Variants in COMMD1 observed in about 807,000 individuals in gnomAD.
The protein encoded by COMMD1 is copper metabolism domain containing 1.
COMMD1 carries 10 observed loss-of-function variants against 17.2 expected under a neutral mutation model. The observed-to-expected ratio is 0.58, with a 90% CI of 0.36 to 0.99. COMMD1 has a LOEUF of 0.99. Ranked by LOEUF, COMMD1 falls within the 50% of genes least tolerant of loss-of-function variation. The probability of loss-of-function intolerance (pLI) is 0.01; values close to 1 mark genes in which losing one functional copy is unlikely to be tolerated. For synonymous variants in COMMD1, 97 were observed against 91.6 expected (o/e 1.06, Z -0.34); for missense variants, 270 against 231.8 (o/e 1.17, Z -1.07).
intron 1 of COMMD1, among the ~76,000 whole-genome samples, chr2:61,998,916 T>C (rs566252546): frequency 1.0e-3 from 158 of 152,294 alleles, no homozygotes; most frequent in African/African-American, 3.5e-3. Context: ...TTATCTGTCT[T>C]CTATGGGCAT....
intron 1 of COMMD1, among the ~76,000 whole-genome samples, chr2:61,890,881 TA>T (rs1195497343): frequency 6.8e-6 from 1 of 146,282 alleles, no homozygotes; most frequent in East Asian, 2.0e-4. Flanking sequence ...TGAAGATCCA[TA>T]AACCTCTGAG....
At chr2:62,005,896 G>C (rs562339584) in intron 2 of COMMD1, among the ~76,000 whole-genome samples, 2 of 151,246 alleles carry the variant, frequency 1.3e-5, no homozygotes, top group Admixed American at 6.6e-5. Flanking sequence ...ACATGCACAC[G>C]TATGTTTACT....
intron 2 of COMMD1, among the ~76,000 whole-genome samples, chr2:62,001,650 A>G (rs1286932607): frequency 6.6e-6 from 1 of 152,220 alleles, no homozygotes; most frequent in African/African-American, 2.4e-5. Flanking sequence ...GAAACTGGTA[A>G]TTAGGAAGAG....
At position 61,936,464 on chromosome 2, in the gene COMMD1, A is replaced by G. The variant is rs182951709; in HGVS notation, c.180+30606A>G. On this transcript the variant is annotated intron_variant, in intron 1 of 2. Transcript: ENST00000311832. Reference sequence around the variant, plus strand: ...TTTTATTAGAGTTCATTATCAAAATAATGGAGTTGACAAGGAAATTTGGTC... The same window carrying G: ...TTTTATTAGAGTTCATTATCAAAATGATGGAGTTGACAAGGAAATTTGGTC... Among the ~76,000 whole-genome samples, 19 of 152,368 alleles carry G rather than the reference A, an allele frequency of 1.2e-4. No individual in the cohort carries two copies. In the East Asian group the frequency reaches 3.7e-3, roughly 29 times the overall value.
chr2:62,057,004 C>T (rs1178213268), intron 2 of COMMD1, among the ~76,000 whole-genome samples: 1 of 152,146 alleles, frequency 6.6e-6, no homozygotes, highest in Non-Finnish European at 1.5e-5. Context: ...GTGACAGCAA[C>T]CAAAACAAGA....
At chr2:61,901,813 C>T (rs533665987), upstream of COMMD1, among the ~76,000 whole-genome samples, 7 of 152,142 alleles carry the variant, frequency 4.6e-5, no homozygotes, top group East Asian at 9.7e-4. Context: ...ACTTTTTCTA[C>T]GTAGGTTGAT....
At chr2:62,134,433 G>A (rs76189646) in intron 2 of COMMD1, among the ~76,000 whole-genome samples, 3,545 of 151,968 alleles carry the variant, frequency 0.023, 134 homozygotes, top group African/African-American at 0.081. Flanking sequence ...CTTGATTATT[G>A]TTCTGAAGGA....
At chr2:62,112,749 A>G (rs958635141) in intron 2 of COMMD1, among the ~76,000 whole-genome samples, 1 of 152,244 alleles carries the variant, frequency 6.6e-6, no homozygotes, top group African/African-American at 2.4e-5. Flanking sequence ...TCACACAGCT[A>G]ATAGTAGTGG....
chr2:61,958,421 C>T (rs1488899303), intron 1 of COMMD1, among the ~76,000 whole-genome samples: 3 of 152,098 alleles, frequency 2.0e-5, no homozygotes, highest in Non-Finnish European at 4.4e-5. Context: ...CATGTGCCAT[C>T]ACGTCTGGCT....
rs1672738678 is a variant in COMMD1 at position 62,121,345 on chromosome 2, G to A, written c.463-14486G>A. 3.2e-5 allele frequency among the ~76,000 whole-genome samples: 4 copies of A among 126,602 alleles called. No homozygotes were observed. The South Asian group carries it at 7.7e-4, about 24-fold the overall frequency. 83.1% of individuals were successfully genotyped at this position (126,602 alleles called of 152,430 possible). ...AGATCATGCCACTACACTCCAACCT[G>A]GGCAACAGAGTGAGAGACTCTTTCT... On this transcript the variant is annotated intron_variant, in intron 2 of 2. Transcript: ENST00000311832.
intron 2 of COMMD1, among the ~76,000 whole-genome samples, chr2:62,008,637 A>G (rs1233757903): frequency 2.0e-5 from 3 of 152,218 alleles, no homozygotes; most frequent in African/African-American, 4.8e-5. Flanking sequence ...TTTACTTTCA[A>G]TAATCTACTA....
chr2:62,067,305 T>A (rs1039173715), intron 2 of COMMD1, among the ~76,000 whole-genome samples: 1 of 152,118 alleles, frequency 6.6e-6, no homozygotes, highest in Non-Finnish European at 1.5e-5. Flanking sequence ...TTGGTCCTTA[T>A]AAGTACTTAA....
At chr2:61,997,428 A>AC (rs1353916995) in intron 1 of COMMD1, among the ~76,000 whole-genome samples, 2 of 152,100 alleles carry the variant, frequency 1.3e-5, no homozygotes, top group Admixed American at 1.3e-4. Context: ...CGTGGTCTGC[A>AC]GAATGAATGC....
intron 2 of COMMD1, among the ~76,000 whole-genome samples, chr2:62,022,571 G>T (rs1669640335): frequency 7.0e-6 from 1 of 142,306 alleles, no homozygotes; most frequent in African/African-American, 2.6e-5. Flanking sequence ...TTTGGAATGT[G>T]TTTTAATTCT....
At chr2:61,975,426 G>A (rs1671775864) in intron 1 of COMMD1, among the ~76,000 whole-genome samples, 1 of 152,054 alleles carries the variant, frequency 6.6e-6, no homozygotes, top group Admixed American at 6.6e-5. Flanking sequence ...AGTATGTTTA[G>A]TTTCTTAAGA....
intron 2 of COMMD1, among the ~76,000 whole-genome samples, chr2:62,016,773 A>C (rs1319936560): frequency 1.3e-5 from 2 of 152,126 alleles, no homozygotes; most frequent in Non-Finnish European, 2.9e-5. Context: ...TATCCTATCC[A>C]AGAAGTCATT....
intron 2 of COMMD1, among the ~76,000 whole-genome samples, chr2:62,005,910 G>A (rs915095702): frequency 2.6e-5 from 4 of 151,692 alleles, no homozygotes; most frequent in Non-Finnish European, 5.9e-5. Flanking sequence ...GTTTACTGCG[G>A]CACTATTCAC....
chr2:62,018,458 A>G (rs926083517), intron 2 of COMMD1, among the ~76,000 whole-genome samples: 2 of 152,228 alleles, frequency 1.3e-5, no homozygotes, highest in Non-Finnish European at 2.9e-5. Flanking sequence ...TCCAGGATTA[A>G]ATCCAAGCTA....
At chr2:61,981,326 A>G (rs543137263) in intron 1 of COMMD1, among the ~76,000 whole-genome samples, 1 of 152,296 alleles carries the variant, frequency 6.6e-6, no homozygotes, top group African/African-American at 2.4e-5. Context: ...TGATTTTTGT[A>G]CATGGCGAGA....
Sources: allele counts gnomAD v4.1 joint callset (sites outside exome capture counted in the v4.1 genomes callset), GRCh38; gene constraint gnomAD v4.1.1; transcripts MANE v1.5; gene names NCBI Gene and HGNC (gene_info 2026-07-23, HGNC 2026-07-21).